The following EIF4E3 variants were observed in gnomAD, a reference collection of about 807,000 sequenced individuals.
The protein encoded by EIF4E3 is eukaryotic translation initiation factor 4E family member 3.
In EIF4E3, 26 loss-of-function variants were observed where a neutral mutation model predicts 31.7. The observed-to-expected ratio is 0.82, with a 90% CI of 0.60 to 1.14. EIF4E3 has a LOEUF of 1.14. Ranked by LOEUF, EIF4E3 falls within the 50% of genes most tolerant of loss-of-function variation. EIF4E3 has a pLI of 0.00. For missense variants in EIF4E3, 304 were observed against 270.9 expected (o/e 1.12, Z -0.86); for synonymous variants, 128 against 107.7 (o/e 1.19, Z -1.17).
chr3:71,696,672 T>C, intron 3 of EIF4E3, 152 bp from the exon 4 acceptor site: 1 of 874,818 alleles, frequency 1.1e-6, no homozygotes, highest in Non-Finnish European at 1.7e-6. Flanking sequence ...TTTTTATTTT[T>C]TATTATGGAC....
At chr3:71,753,153 C>A (rs1325828501) in intron 1 of EIF4E3, among the ~76,000 whole-genome samples, 1 of 152,176 alleles carries the variant, frequency 6.6e-6, no homozygotes, top group Non-Finnish European at 1.5e-5. Flanking sequence ...CCTTGACCTC[C>A]AAGCCTCTGC....
downstream of EIF4E3, among the ~76,000 whole-genome samples, chr3:71,671,389 A>G (rs996565511): frequency 6.6e-6 from 1 of 151,912 alleles, no homozygotes; most frequent in African/African-American, 2.4e-5. Context: ...GTCGGAGAAG[A>G]GTGGGAGAGA....
In EIF4E3 at chr3:71,675,833, G is replaced by A. The variant is rs1348395918; in HGVS notation, c.*8849C>T. On this transcript the variant is annotated 3_prime_UTR_variant, in exon 7 of 7. Coordinates refer to ENST00000425534, the MANE Select transcript of EIF4E3 (RefSeq NM_001134651.2). ...CATATCTTCAACTTCCACCAAGGCA[G>A]CCTCACTGAAGAACAGGCTGGAGCC... 2 of 152,186 alleles carry A rather than the reference G, an allele frequency of 1.3e-5. No individual in the cohort carries two copies. Among genetic ancestry groups the A allele is most frequent in the Non-Finnish European group, 2.9e-5 (2 of 68,040 alleles). 9.4% of individuals were successfully genotyped at this position (152,186 alleles called of 1,614,324 possible). A position where few individuals can be genotyped will look rare whatever the true frequency, so the allele number is the denominator to read the frequency against.
At chr3:71,695,147 T>C (rs1396596401) in intron 4 of EIF4E3, among the ~76,000 whole-genome samples, 1 of 152,150 alleles carries the variant, frequency 6.6e-6, no homozygotes, top group African/African-American at 2.4e-5. Flanking sequence ...GTTTTCTATC[T>C]GTCCAGCTAC....
At chr3:71,738,330 A>AC (rs769952884) in intron 1 of EIF4E3, among the ~76,000 whole-genome samples, 6 of 152,154 alleles carry the variant, frequency 3.9e-5, no homozygotes, top group Non-Finnish European at 8.8e-5. Context: ...TTAGACTTTT[A>AC]CCCCCACCAG....
At position 71,725,379 on chromosome 3, in the gene EIF4E3, C is replaced by T. The variant is rs1048078097; in HGVS notation, c.-12G>A. ...GGGGGCAGCGCCATTTTCTCCGCCC[C>T]GCCTGCAAGGCCGGCGGACGCGCGG... On this transcript the variant is annotated 5_prime_UTR_variant, in exon 1 of 7. Coordinates refer to ENST00000425534, the MANE Select transcript of EIF4E3 (RefSeq NM_001134651.2). This position sits in a 1 kb window ranked among gnomAD's most constrained non-coding sequence, Gnocchi z 6.1. 1.0e-6 allele frequency: 1 copy of T among 978,410 alleles called. No individual in the cohort carries two copies. The highest frequency in any genetic ancestry group is 1.2e-4 in the East Asian group (1 of 8,626). The allele number at this position is 978,410 out of a possible 1,614,324, so 60.6% of individuals were successfully genotyped here. A position where few individuals can be genotyped will look rare whatever the true frequency, so the allele number is the denominator to read the frequency against.
intron 1 of EIF4E3, among the ~76,000 whole-genome samples, chr3:71,743,714 T>C (rs2049843420): frequency 6.6e-6 from 1 of 152,232 alleles, no homozygotes. Flanking sequence ...ATTTTAAGGC[T>C]TATTATAAAG....
chr3:71,708,763 G>A (rs1279254772), intron 2 of EIF4E3, among the ~76,000 whole-genome samples: 2 of 152,102 alleles, frequency 1.3e-5, no homozygotes, highest in African/African-American at 2.4e-5. Context: ...AATGGCCGCT[G>A]GGAAATGGTA....
upstream of EIF4E3, among the ~76,000 whole-genome samples, chr3:71,729,467 C>G (rs1559610025): frequency 6.6e-6 from 1 of 152,152 alleles, no homozygotes; most frequent in Non-Finnish European, 1.5e-5. Flanking sequence ...AACACATGGT[C>G]TCTAATGTCA....
chr3:71,678,895 A>C lies in EIF4E3; in HGVS notation c.*5787T>G, dbSNP rs1321394082. On this transcript the variant is annotated 3_prime_UTR_variant, in exon 7 of 7. Coordinates refer to ENST00000425534, the MANE Select transcript of EIF4E3 (RefSeq NM_001134651.2). ...AGCTAAAGTATGCTCACTAGTTTAA[A>C]TTTTGAAATTCTTTTATATAATCAT... 6.6e-6 allele frequency: 1 copy of C among 152,232 alleles called. No individual in the cohort carries two copies. The highest frequency in any genetic ancestry group is 1.5e-5 in the Non-Finnish European group (1 of 68,040). The allele number at this position is 152,232 out of a possible 1,614,324, so 9.4% of individuals were successfully genotyped here.
intron 2 of EIF4E3, among the ~76,000 whole-genome samples, chr3:71,703,925 T>C (rs1163045566): frequency 1.3e-5 from 2 of 152,084 alleles, no homozygotes; most frequent in African/African-American, 2.4e-5. Context: ...TAGGTATTAC[T>C]AGTTGCCTGG....
upstream of EIF4E3, chr3:71,754,207 C>T: frequency 1.4e-6 from 2 of 1,402,224 alleles, no homozygotes; most frequent in Admixed American, 2.1e-5. This position sits in a 1 kb window ranked among gnomAD's most constrained non-coding sequence, Gnocchi z 5.8. Context: ...CACCGCGCCC[C>T]GTACTACCTG....
chr3:71,661,933 C>T, the EIF4E3 span, among the ~76,000 whole-genome samples: 3 of 152,134 alleles, frequency 2.0e-5, no homozygotes, highest in Non-Finnish European at 4.4e-5. Context: ...TCCTGGCTCA[C>T]CACTTTCCAG....
At chr3:71,729,001 G>C (rs901918611), upstream of EIF4E3, 2 of 152,356 alleles carry the variant, frequency 1.3e-5, no homozygotes, top group Non-Finnish European at 2.9e-5. Flanking sequence ...GGAGGAGAGG[G>C]GGAAATCGCT....
chr3:71,666,024 A>G, the EIF4E3 span, among the ~76,000 whole-genome samples: 1 of 152,154 alleles, frequency 6.6e-6, no homozygotes, highest in Admixed American at 6.5e-5. Context: ...ACACCCTAAC[A>G]TCACAAAAGA....
At chr3:71,733,341 A>G (rs185938739) in intron 1 of EIF4E3, among the ~76,000 whole-genome samples, 1 of 152,358 alleles carries the variant, frequency 6.6e-6, no homozygotes, top group East Asian at 1.9e-4. Context: ...TCATTTGTTT[A>G]CATCTAAGAA....
intron 3 of EIF4E3, among the ~76,000 whole-genome samples, chr3:71,699,005 G>A (rs1166996682): frequency 6.6e-6 from 1 of 152,138 alleles, no homozygotes; most frequent in African/African-American, 2.4e-5. Context: ...CACATTGCTG[G>A]AGCCCAGGAG....
chr3:71,704,840 ACC>A (rs1449445269), intron 2 of EIF4E3, among the ~76,000 whole-genome samples: 2 of 152,192 alleles, frequency 1.3e-5, no homozygotes, highest in Admixed American at 1.3e-4. Flanking sequence ...GTCAAGTCTC[ACC>A]CCACCCAATA....
chr3:71,733,695 A>G (rs1449362965), intron 1 of EIF4E3, among the ~76,000 whole-genome samples: 1 of 152,170 alleles, frequency 6.6e-6, no homozygotes, highest in Non-Finnish European at 1.5e-5. Flanking sequence ...AAGTCAATAA[A>G]TATCTGAATA....
Sources: allele counts gnomAD v4.1 joint callset (sites outside exome capture counted in the v4.1 genomes callset), GRCh38; gene constraint gnomAD v4.1.1; non-coding constraint Gnocchi (gnomAD v3.1); transcripts MANE v1.5; gene names NCBI Gene and HGNC (gene_info 2026-07-23, HGNC 2026-07-21).